The following MICU3 variants were observed in gnomAD, a reference collection of about 807,000 sequenced individuals.
MICU3 encodes the protein calcium uptake protein 3, mitochondrial.
In MICU3, 62 loss-of-function variants were observed where a neutral mutation model predicts 66.5. The observed-to-expected ratio is 0.93, with a 90% CI of 0.76 to 1.15. The LOEUF is 1.15. MICU3 is among the 50% of genes most tolerant of loss of function. MICU3 has a pLI of 0.00. For synonymous variants in MICU3, 308 were observed against 240.7 expected (o/e 1.28, Z -2.59); for missense variants, 779 against 664.4 (o/e 1.17, Z -1.90).
At position 17,118,758 on chromosome 8, in the gene MICU3, G is replaced by C. The variant is rs1802937172; in HGVS notation, c.1576G>C (p.Glu526Gln). ...YPTFKSCLKK[E>Q]LHSR is the part of the protein sequence containing the mutation. ...CACTTTCAAATCCTGCCTGAAGAAA[G>C]AACTTCACAGCAGATAAGTATGTTA... The change falls in exon 14 of 15, where the codon GAA becomes CAA. Residue 526 changes from glutamate (E) to glutamine (Q), a missense_variant. By Grantham distance (29) the Glu-to-Gln change is conservative. Transcript: ENST00000318063. 3.7e-6 allele frequency: 6 copies of C among 1,609,894 alleles called. No individual in the cohort carries two copies. The highest frequency in any genetic ancestry group is 5.1e-6 in the Non-Finnish European group (6 of 1,176,814).
At chr8:17,098,603 T>C (rs772041312) in intron 9 of MICU3, 50 bp downstream of exon 9, 3 of 1,197,294 alleles carry the variant, frequency 2.5e-6, no homozygotes, top group Non-Finnish European at 2.5e-6. Flanking sequence ...ATCTTGTTAA[T>C]CTAGTCGTCA....
At chr8:17,059,132 G>A (rs1272475239) in intron 1 of MICU3, among the ~76,000 whole-genome samples, 11 of 152,166 alleles carry the variant, frequency 7.2e-5, no homozygotes. Context: ...TTAAAAGAAT[G>A]CAAATAATAG....
chr8:17,077,245 C>T (rs556826536), intron 3 of MICU3, among the ~76,000 whole-genome samples: 3 of 152,188 alleles, frequency 2.0e-5, no homozygotes, highest in Non-Finnish European at 4.4e-5. Flanking sequence ...CTTTCTGCTT[C>T]ATCCATTGTT....
chr8:17,073,181 G>T (rs898091619), intron 3 of MICU3, among the ~76,000 whole-genome samples: 1 of 152,170 alleles, frequency 6.6e-6, no homozygotes, highest in Non-Finnish European at 1.5e-5. Context: ...CCCTCTTGTA[G>T]AAATGCATAC....
rs571019023 is a variant in MICU3, at chr8:17,117,117, A to G, written c.1524+517A>G. Among the ~76,000 whole-genome samples, 17 of 152,232 alleles carry G rather than the reference A, an allele frequency of 1.1e-4. 1 individual carries two copies. Among genetic ancestry groups the G allele is most frequent in the African/African-American group, 3.9e-4 (16 of 41,528 alleles). ...CTCAGCCTCCCAAGTAGCTGGGACT[A>G]TAGGTGCATGCCACCATGCCTGGCT... is the stretch of plus-strand genomic sequence containing the variant. On this transcript the variant is annotated intron_variant, in intron 13 of 14. Coordinates refer to ENST00000318063, the MANE Select transcript of MICU3 (RefSeq NM_181723.3).
At chr8:17,047,125 T>G (rs1460965240) in intron 1 of MICU3, among the ~76,000 whole-genome samples, 1 of 152,170 alleles carries the variant, frequency 6.6e-6, no homozygotes, top group Non-Finnish European at 1.5e-5. Flanking sequence ...AGTCTGTTAC[T>G]TAAGTATATT....
intron 4 of MICU3, among the ~76,000 whole-genome samples, chr8:17,079,269 G>T (rs185753875): frequency 6.6e-6 from 1 of 152,222 alleles, no homozygotes; most frequent in African/African-American, 2.4e-5. Flanking sequence ...CTTGAAATGT[G>T]TCTAGCGTAA....
chr8:17,046,596 G>C (rs1815130887), intron 1 of MICU3, among the ~76,000 whole-genome samples: 1 of 152,100 alleles, frequency 6.6e-6, no homozygotes, highest in Non-Finnish European at 1.5e-5. Context: ...TGTGAACTGT[G>C]AGTTACTTGG....
intron 7 of MICU3, among the ~76,000 whole-genome samples, chr8:17,087,344 T>C (rs2150746410): frequency 6.6e-6 from 1 of 152,158 alleles, no homozygotes; most frequent in African/African-American, 2.4e-5. Context: ...TGTAAAAATT[T>C]AAAGGTGAAT....
chr8:17,102,748 C>T (rs1436029907), intron 9 of MICU3: 1 of 151,884 alleles, frequency 6.6e-6, no homozygotes, highest in African/African-American at 2.4e-5. Flanking sequence ...CACTTGGCTA[C>T]CTGGCTGTAT....
intron 3 of MICU3, among the ~76,000 whole-genome samples, chr8:17,075,047 T>C (rs1364708907): frequency 6.6e-6 from 1 of 152,086 alleles, no homozygotes; most frequent in African/African-American, 2.4e-5. Context: ...TAATGAATCA[T>C]AGAACTCAGA....
intron 1 of MICU3, among the ~76,000 whole-genome samples, chr8:17,054,197 T>C (rs138119218): frequency 6.6e-6 from 1 of 152,330 alleles, no homozygotes; most frequent in East Asian, 1.9e-4. Flanking sequence ...GTTTCACATA[T>C]CTAGTTAGAA....
At chr8:17,073,247 C>G (rs369383242) in intron 3 of MICU3, among the ~76,000 whole-genome samples, 62 of 152,180 alleles carry the variant, frequency 4.1e-4, no homozygotes, top group African/African-American at 1.4e-3. Flanking sequence ...TCGCCCCCTT[C>G]CCGTGAAGCT....
In MICU3 at chr8:17,105,316, C is replaced by G. The variant is rs559917479; in HGVS notation, c.1086-97C>G. ...TCTTTGCATCATCATACAATTATTT[C>G]CATATAACCTTTTCTAGGACAGTGA... is the stretch of plus-strand genomic sequence containing the variant. On this transcript the variant is annotated intron_variant, in intron 10 of 14. Coordinates refer to ENST00000318063, the MANE Select transcript of MICU3 (RefSeq NM_181723.3). 39 of 670,560 alleles carry G rather than the reference C, an allele frequency of 5.8e-5. No individual in the cohort carries two copies. In the South Asian group the frequency reaches 7.6e-4, roughly 13 times the overall value. The allele number at this position is 670,560 out of a possible 1,614,324, so 41.5% of individuals were successfully genotyped here. A position where few individuals can be genotyped will look rare whatever the true frequency, so the allele number is the denominator to read the frequency against.
At chr8:17,098,692 T>C (rs1417118132) in intron 9 of MICU3, 139 bp downstream of exon 9, 1 of 603,784 alleles carries the variant, frequency 1.7e-6, no homozygotes. Context: ...AATTACTATA[T>C]ATAAACTGTG....
intron 13 of MICU3, 21 bp downstream of exon 13, chr8:17,116,621 C>T: frequency 6.6e-7 from 1 of 1,505,082 alleles, no homozygotes; most frequent in Non-Finnish European, 8.9e-7. Context: ...ACATTTTAAA[C>T]CTATTGATAT....
intron 12 of MICU3, among the ~76,000 whole-genome samples, chr8:17,115,278 C>A (rs544201733): frequency 6.6e-6 from 1 of 152,186 alleles, no homozygotes; most frequent in Admixed American, 6.5e-5. Context: ...TAAGAGAAAC[C>A]TGCAAAATTT....
intron 2 of MICU3, among the ~76,000 whole-genome samples, chr8:17,069,484 T>A (rs1332861860): frequency 1.3e-5 from 2 of 152,084 alleles, no homozygotes; most frequent in Non-Finnish European, 2.9e-5. Flanking sequence ...TGATACTTAC[T>A]ATGAACAGTG....
intron 2 of MICU3, among the ~76,000 whole-genome samples, chr8:17,064,931 C>T (rs937481195): frequency 1.3e-5 from 2 of 152,010 alleles, no homozygotes; most frequent in African/African-American, 4.8e-5. Context: ...CTTCAAAAGT[C>T]TCTATAGATG....
Sources: allele counts gnomAD v4.1 joint callset (sites outside exome capture counted in the v4.1 genomes callset), GRCh38; gene constraint gnomAD v4.1.1; transcripts MANE v1.5; gene names NCBI Gene and HGNC (gene_info 2026-07-23, HGNC 2026-07-21).